Variants in DNAAF9 observed in about 807,000 individuals in gnomAD.
The protein encoded by DNAAF9 is dynein axonemal assembly factor 9.
Under a neutral mutation model 167.0 loss-of-function variants are expected in DNAAF9, and 90 were observed. The observed-to-expected ratio is 0.54, with a 90% CI of 0.45 to 0.64. DNAAF9 has a LOEUF of 0.64. DNAAF9 is among the 30% of genes least tolerant of loss of function. The pLI, the probability that DNAAF9 is intolerant of heterozygous loss-of-function variation, is 0.00. For missense variants in DNAAF9, 1,315 were observed against 1,442.2 expected (o/e 0.91, Z 1.43); for synonymous variants, 491 against 508.8 (o/e 0.96, Z 0.47).
chr20:3,334,315 C>A (rs8120964), intron 10 of DNAAF9, among the ~76,000 whole-genome samples: 57,820 of 152,008 alleles, frequency 0.38, 11,352 homozygotes, highest in Middle Eastern at 0.53. Flanking sequence ...GTGAACTTCA[C>A]ACACATCCAA....
At chr20:3,264,745 C>T (rs908477307) in intron 30 of DNAAF9, among the ~76,000 whole-genome samples, 5 of 152,100 alleles carry the variant, frequency 3.3e-5, no homozygotes, top group Non-Finnish European at 7.4e-5. Flanking sequence ...AATTTTTGTA[C>T]TTTCAGTAGG....
chr20:3,334,331 C>T (rs1381575089), intron 10 of DNAAF9, among the ~76,000 whole-genome samples: 1 of 152,188 alleles, frequency 6.6e-6, no homozygotes, highest in Non-Finnish European at 1.5e-5. Context: ...TCCAATCTGA[C>T]TCTCCTCAGT....
intron 31 of DNAAF9, among the ~76,000 whole-genome samples, chr20:3,261,599 C>T (rs28438879): frequency 0.013 from 2,002 of 151,918 alleles, 49 homozygotes; most frequent in African/African-American, 0.046. Flanking sequence ...AACTCCTGAC[C>T]TCGTGATCCA....
intron 29 of DNAAF9, among the ~76,000 whole-genome samples, chr20:3,273,407 C>T (rs1386994236): frequency 6.6e-6 from 1 of 152,138 alleles, no homozygotes; most frequent in South Asian, 2.1e-4. Flanking sequence ...TATAAAGAAC[C>T]TTTAGCTTAA....
At chr20:3,255,589 G>A (rs1033283239) in intron 34 of DNAAF9, among the ~76,000 whole-genome samples, 7 of 152,080 alleles carry the variant, frequency 4.6e-5, no homozygotes, top group African/African-American at 1.7e-4. Flanking sequence ...AGACAAAGGG[G>A]CAGTCTGAGG....
At chr20:3,260,753 C>T (rs1313999357) in intron 31 of DNAAF9, among the ~76,000 whole-genome samples, 3 of 151,944 alleles carry the variant, frequency 2.0e-5, no homozygotes, top group African/African-American at 7.3e-5. Context: ...CCTCAGCCTC[C>T]TGAGTAGCTG....
At chr20:3,386,373 A>C (rs1440883257) in intron 1 of DNAAF9, among the ~76,000 whole-genome samples, 1 of 152,230 alleles carries the variant, frequency 6.6e-6, no homozygotes, top group East Asian at 1.9e-4. Context: ...AAAGCAATTC[A>C]ATGTTGGATG....
At chr20:3,390,119 G>A (rs1260403875) in intron 1 of DNAAF9, among the ~76,000 whole-genome samples, 1 of 152,036 alleles carries the variant, frequency 6.6e-6, no homozygotes, top group East Asian at 1.9e-4. Context: ...GATACCATTA[G>A]GGATCTACTG....
At chr20:3,381,696 C>T (rs1377641895) in intron 2 of DNAAF9, among the ~76,000 whole-genome samples, 198 bp from the exon 3 acceptor site, 1 of 152,160 alleles carries the variant, frequency 6.6e-6, no homozygotes, top group South Asian at 2.1e-4. Context: ...TGAATTCCAA[C>T]GTCTTGTAAT....
chr20:3,362,742 G>T (rs1304609671), intron 6 of DNAAF9, among the ~76,000 whole-genome samples: 1 of 152,152 alleles, frequency 6.6e-6, no homozygotes, highest in Admixed American at 6.6e-5. Flanking sequence ...CACCCCGACT[G>T]AGAACCACTG....
intron 6 of DNAAF9, chr20:3,361,874 T>C: frequency 6.8e-7 from 1 of 1,466,298 alleles, no homozygotes; most frequent in African/African-American, 1.4e-5. Flanking sequence ...TGGTTTTTCT[T>C]TTTGGTTAAT....
chr20:3,386,958 A>G (rs1222888747), intron 1 of DNAAF9, among the ~76,000 whole-genome samples: 3 of 152,230 alleles, frequency 2.0e-5, no homozygotes, highest in Admixed American at 1.3e-4. Flanking sequence ...AGTGACTACC[A>G]AACTGAGAAT....
chr20:3,312,305 T>C lies in DNAAF9; in HGVS notation c.1678+2728A>G, dbSNP rs574101853. ...ACCCTGCCAGGAAGTACTATTCTTT[T>C]CATCTGTAAGTAATTGCTGGGTGAA... On this transcript the variant is annotated intron_variant, in intron 20 of 36. Coordinates refer to ENST00000252032, the MANE Select transcript of DNAAF9 (RefSeq NM_001009984.3). Among the ~76,000 whole-genome samples the C allele has an allele frequency of 2.4e-4, 36 of 152,268 alleles. No individual in the cohort carries two copies. The East Asian group carries it at 2.9e-3, about 12-fold the overall frequency.
At chr20:3,305,803 C>CA (rs1367463402) in intron 20 of DNAAF9, among the ~76,000 whole-genome samples, 21 of 152,176 alleles carry the variant, frequency 1.4e-4, no homozygotes, top group African/African-American at 5.1e-4. Flanking sequence ...GTCAGAGGGA[C>CA]ATGCCAACCT....
chr20:3,406,797 C>A (rs1343009117), intron 1 of DNAAF9, among the ~76,000 whole-genome samples: 2 of 152,150 alleles, frequency 1.3e-5, no homozygotes, highest in Non-Finnish European at 2.9e-5. Flanking sequence ...AATACCTCTA[C>A]TTCCTCCCAA....
chr20:3,394,123 A>C (rs950364813), intron 1 of DNAAF9, among the ~76,000 whole-genome samples: 6 of 152,138 alleles, frequency 3.9e-5, no homozygotes, highest in Non-Finnish European at 5.9e-5. Flanking sequence ...GGATCATCTG[A>C]GACCAGACGT....
chr20:3,402,810 C>T (rs555488803), intron 1 of DNAAF9, among the ~76,000 whole-genome samples: 1 of 152,210 alleles, frequency 6.6e-6, no homozygotes, highest in East Asian at 1.9e-4. Flanking sequence ...TCTCAAACTC[C>T]TGGGCTCAAG....
At chr20:3,288,625 ACT>A (rs879039744) in intron 26 of DNAAF9, among the ~76,000 whole-genome samples, 3 of 151,942 alleles carry the variant, frequency 2.0e-5, no homozygotes, top group African/African-American at 4.8e-5. Flanking sequence ...TAAACTGCCG[ACT>A]CTCTATGCAA....
chr20:3,374,556 A>G (rs2083550601), intron 5 of DNAAF9, among the ~76,000 whole-genome samples: 1 of 152,168 alleles, frequency 6.6e-6, no homozygotes, highest in African/African-American at 2.4e-5. Context: ...TAAATCAAAA[A>G]TGTTCCTTTC....
Sources: gnomAD v4.1 joint callset for allele counts (sites outside exome capture counted in the v4.1 genomes callset) on GRCh38, gnomAD v4.1.1 for gene constraint, MANE v1.5 for transcripts, NCBI Gene and HGNC (gene_info 2026-07-23, HGNC 2026-07-21) for gene names.